Variants in FAH observed in about 807,000 individuals in gnomAD.
FAH encodes fumarylacetoacetate hydrolase.
A neutral mutation model predicts 55.8 loss-of-function variants in FAH; 47 were observed. The observed-to-expected ratio is 0.84, with a 90% CI of 0.67 to 1.07. The LOEUF (loss-of-function observed/expected upper bound fraction) is 1.07. FAH is among the 50% of genes least tolerant of loss of function. The pLI is 0.00. For synonymous variants in FAH, 199 were observed against 207.7 expected, an observed-to-expected ratio of 0.96 and a Z score of 0.36; for missense variants, 495 against 545.9, an observed-to-expected ratio of 0.91 and a Z score of 0.93.
In FAH at chr15:80,168,350, C is replaced by G. The variant is rs775344789; in HGVS notation, c.606+34C>G. ...GCTTGATGTTTTATTGCCATGGGAT[C>G]TATAGACACCCGGCAGGAGAGCCCT... On this transcript the variant is annotated intron_variant, in intron 7 of 13. Transcript: ENST00000561421. The G allele has an allele frequency of 1.9e-6, 3 of 1,607,716 alleles. No individual in the cohort carries two copies. In the African/African-American group the frequency reaches 4.0e-5, roughly 22 times the overall value.
Position 80,169,982 on chromosome 15 carries a change from A to G in FAH, c.606+1666A>G, listed in dbSNP as rs1407623426. 3.9e-5 allele frequency among the ~76,000 whole-genome samples: 6 copies of G among 152,172 alleles called. No homozygotes were observed. In the East Asian group the frequency reaches 1.2e-3, roughly 29 times the overall value. ...TTCGTAACCATGGTGCTCTATCACA[A>G]CCTGGATGTTGATGTTGATACAGTC... On this transcript the variant is annotated intron_variant, in intron 7 of 13. Coordinates refer to ENST00000561421, the MANE Select transcript of FAH (RefSeq NM_000137.4).
rs1378679339 is a variant in FAH at position 80,175,242 on chromosome 15, G to GA, written c.913+152dup. The GA allele has an allele frequency of 6.8e-6, 5 of 739,716 alleles. No homozygotes were observed. In the East Asian group the frequency reaches 1.3e-4, roughly 19 times the overall value. 45.8% of individuals were successfully genotyped at this position (739,716 alleles called of 1,614,324 possible). ...GGCTCGTCTAAAGGAAAGAGGAGGG[G>GA]AGGGGAGGGGACACCCTGGTGCTCA... On this transcript the variant is annotated intron_variant, in intron 10 of 13. Coordinates refer to ENST00000561421, the MANE Select transcript of FAH (RefSeq NM_000137.4).
chr15:80,171,565 A>G (rs2041240803), intron 7 of FAH, among the ~76,000 whole-genome samples: 1 of 151,996 alleles, frequency 6.6e-6, no homozygotes, highest in African/African-American at 2.4e-5. Flanking sequence ...GGCTCAAGCA[A>G]TCTTCCCACA....
chr15:80,181,841 G>A (rs1318230936), intron 13 of FAH, among the ~76,000 whole-genome samples: 1 of 112,176 alleles, frequency 8.9e-6, no homozygotes, highest in Non-Finnish European at 1.9e-5. Flanking sequence ...CATCTCCCAG[G>A]TTCAAGCGAT....
chr15:80,160,717 G>A (rs184734532), intron 4 of FAH, among the ~76,000 whole-genome samples: 2 of 152,288 alleles, frequency 1.3e-5, no homozygotes, highest in East Asian at 3.9e-4. Flanking sequence ...ATGGCTCCCT[G>A]CACAGCAAAT....
chr15:80,157,464 A>T (rs1217651925), intron 1 of FAH: 1 of 165,538 alleles, frequency 6.0e-6, no homozygotes, highest in Non-Finnish European at 1.3e-5. Context: ...TATTTAAGAC[A>T]TCTTTGTTGA....
intron 8 of FAH, 133 bp from the exon 9 acceptor site, chr15:80,172,881 A>C: frequency 1.7e-6 from 2 of 1,211,540 alleles, no homozygotes; most frequent in Non-Finnish European, 2.4e-6. Flanking sequence ...GTCCTGGGGC[A>C]GCCTGACTGG....
intron 1 of FAH, chr15:80,157,790 C>T: frequency 2.0e-6 from 1 of 511,476 alleles, no homozygotes; most frequent in South Asian, 2.1e-5. Flanking sequence ...GTGGCTAGGA[C>T]CAGGCTGACT....
intron 13 of FAH, among the ~76,000 whole-genome samples, chr15:80,183,873 A>T (rs2041349842): frequency 1.3e-5 from 2 of 152,200 alleles, no homozygotes; most frequent in Admixed American, 1.3e-4. Context: ...CACAGGCGAT[A>T]AAGGGTAGAG....
In FAH at chr15:80,160,402, T is replaced by G; in HGVS notation, c.315-8T>G. 6.2e-7 allele frequency: 1 copy of G among 1,614,192 alleles called. No homozygotes were observed. The highest frequency in any genetic ancestry group is 8.5e-7 in the Non-Finnish European group (1 of 1,180,002). ...CTTGACTTTGAAGCCCCTGGTTCTG[T>G]GTTTCAGTGCATTCATCTCCCAGGC... On this transcript the variant is annotated splice_polypyrimidine_tract_variant and splice_region_variant and intron_variant, in intron 3 of 13. Coordinates refer to ENST00000561421, the MANE Select transcript of FAH (RefSeq NM_000137.4).
rs1318605566 is a variant in FAH, at chr15:80,155,539, A to G, written c.81+2404A>G. ...CTCCCAATCTGTAAGGTCCAGCCCT[A>G]CGGGGCTTAGCGGGTTTTCTCCCTG... On this transcript the variant is annotated intron_variant, in intron 1 of 13. Coordinates refer to ENST00000561421, the MANE Select transcript of FAH (RefSeq NM_000137.4). 2.6e-5 allele frequency among the ~76,000 whole-genome samples: 4 copies of G among 152,276 alleles called. No individual in the cohort carries two copies. In the East Asian group the frequency reaches 5.8e-4, roughly 22 times the overall value.
intron 5 of FAH, chr15:80,165,981 C>T (rs1009971178): frequency 3.9e-5 from 6 of 152,024 alleles, no homozygotes; most frequent in Non-Finnish European, 5.9e-5. Context: ...GCAACAAAAA[C>T]AGTCAATATA....
intron 7 of FAH, among the ~76,000 whole-genome samples, chr15:80,169,618 C>G (rs2041223265): frequency 6.6e-6 from 1 of 151,968 alleles, no homozygotes; most frequent in African/African-American, 2.4e-5. Flanking sequence ...ACTGCAAGCT[C>G]CGCCTCCTGG....
intron 4 of FAH, 188 bp downstream of exon 4, chr15:80,160,647 C>G: frequency 1.3e-5 from 9 of 701,890 alleles, no homozygotes; most frequent in Non-Finnish European, 1.8e-5. Context: ...GGCATTCACT[C>G]AGGCTATTAT....
Position 80,172,230 on chromosome 15 carries a change from C to A in FAH, c.688C>A (p.Leu230Ile). 1 of 1,612,740 alleles carries A rather than the reference C, an allele frequency of 6.2e-7. No individual in the cohort carries two copies. The highest frequency in any genetic ancestry group is 8.5e-7 in the Non-Finnish European group (1 of 1,178,738). The change falls in exon 8 of 14, where the codon CTT (leucine) becomes ATT (isoleucine). Residue 230 changes from leucine (L) to isoleucine (I), a missense_variant. Leu to Ile is a conservative substitution (Grantham distance 5, BLOSUM62 2). Transcript: ENST00000561421. Reference protein sequence around the residue: ...KAHEHIFGMVLMNDWSARDIQ... With the variant: ...KAHEHIFGMVIMNDWSARDIQ... ...CCATGAGCACATTTTTGGAATGGTC[C>A]TTATGAACGACTGGAGTGGTAATTA... is the stretch of plus-strand genomic sequence containing the variant.
chr15:80,172,705 G>A (rs1198017216), intron 8 of FAH, among the ~76,000 whole-genome samples: 8 of 152,172 alleles, frequency 5.3e-5, no homozygotes, highest in Non-Finnish European at 1.0e-4. Context: ...GAGGAAGATG[G>A]CACCATAAGC....
chr15:80,168,022 G>A, intron 5 of FAH, 30 bp from the exon 6 acceptor site: 1 of 1,555,762 alleles, frequency 6.4e-7, no homozygotes, highest in South Asian at 1.1e-5. Context: ...CAGCTCTGAT[G>A]CCCTGCATTC....
intron 4 of FAH, among the ~76,000 whole-genome samples, chr15:80,161,271 GT>G (rs1185001944): frequency 0.048 from 6,644 of 138,132 alleles, 419 homozygotes; most frequent in African/African-American, 0.16. Context: ...GCCCTTTCTT[GT>G]TTTTTTTTTT....
intron 6 of FAH, 26 bp from the exon 7 acceptor site, chr15:80,168,238 T>TC: frequency 6.2e-7 from 1 of 1,609,490 alleles, no homozygotes; most frequent in Non-Finnish European, 8.5e-7. Context: ...AGCACCGTTT[T>TC]TTTTTTTTTT....
Sources: gnomAD v4.1 joint callset for allele counts (sites outside exome capture counted in the v4.1 genomes callset) on GRCh38, gnomAD v4.1.1 for gene constraint, MANE v1.5 for transcripts, NCBI Gene and HGNC (gene_info 2026-07-23, HGNC 2026-07-21) for gene names.